The following RORA variants were observed in gnomAD, a reference collection of about 807,000 sequenced individuals.
RORA encodes the protein nuclear receptor ROR-alpha.
A neutral mutation model predicts 69.5 loss-of-function variants in RORA; 7 were observed. The ratio of observed to expected loss-of-function variants is 0.10; its 90% confidence interval spans 0.06 to 0.19. The LOEUF (loss-of-function observed/expected upper bound fraction) is 0.19, where lower values mean the gene tolerates loss of function less well. Among genes scored for constraint, RORA ranks in the 10% least tolerant of loss-of-function variants. The pLI is 1.00. For missense variants in RORA, 457 were observed against 663.0 expected (o/e 0.69, Z 3.41); for synonymous variants, 261 against 240.8 (o/e 1.08, Z -0.78).
chr15:61,167,545 A>G (rs2079549480), intron 1 of RORA, among the ~76,000 whole-genome samples: 1 of 138,380 alleles, frequency 7.2e-6, no homozygotes, highest in African/African-American at 2.8e-5. Flanking sequence ...CTCTACAACC[A>G]GGACTCTGGC....
At chr15:61,048,589 C>G (rs1897149595) in intron 1 of RORA, among the ~76,000 whole-genome samples, 1 of 152,228 alleles carries the variant, frequency 6.6e-6, no homozygotes, top group African/African-American at 2.4e-5. Context: ...GAGAAGCCAG[C>G]CTGTTTCCGA....
intron 1 of RORA, among the ~76,000 whole-genome samples, chr15:61,047,386 C>G (rs137949830): frequency 6.6e-6 from 1 of 152,340 alleles, no homozygotes; most frequent in African/African-American, 2.4e-5. Flanking sequence ...TCTATACTCA[C>G]ATTTTTCCTG....
intron 10 of RORA, among the ~76,000 whole-genome samples, chr15:60,498,346 G>C (rs895143423): frequency 6.6e-6 from 1 of 152,114 alleles, no homozygotes; most frequent in African/African-American, 2.4e-5. Context: ...GGGTAGTGAA[G>C]GCACTGCAAC....
intron 1 of RORA, among the ~76,000 whole-genome samples, chr15:61,015,260 G>C (rs895512490): frequency 3.3e-5 from 5 of 152,104 alleles, no homozygotes; most frequent in African/African-American, 1.2e-4. Context: ...TTTAATCCAA[G>C]GATTTGGGGA....
At chr15:61,141,652 A>C (rs957603348) in intron 1 of RORA, among the ~76,000 whole-genome samples, 9 of 152,208 alleles carry the variant, frequency 5.9e-5, no homozygotes, top group Non-Finnish European at 8.8e-5. Flanking sequence ...GCTTGATTTC[A>C]TAAGGACAAG....
At chr15:60,630,888 C>CTTTTTTCT (rs1555440700) in intron 2 of RORA, among the ~76,000 whole-genome samples, 5 of 109,894 alleles carry the variant, frequency 4.5e-5, no homozygotes, top group Admixed American at 4.1e-4. Flanking sequence ...ATGAGACTTT[C>CTTTTTTCT]TTTTTTTTTT....
At chr15:60,886,167 C>CA (rs1220906896) in intron 1 of RORA, among the ~76,000 whole-genome samples, 1 of 151,952 alleles carries the variant, frequency 6.6e-6, no homozygotes, top group Non-Finnish European at 1.5e-5. Context: ...ACATTTCCCC[C>CA]AAAAAATCAA....
At chr15:61,198,872 C>A (rs2079870538) in intron 1 of RORA, among the ~76,000 whole-genome samples, 1 of 152,128 alleles carries the variant, frequency 6.6e-6, no homozygotes, top group Non-Finnish European at 1.5e-5. Flanking sequence ...CTTAACTCCT[C>A]CTTCTTTCAC....
intron 1 of RORA, among the ~76,000 whole-genome samples, chr15:60,766,682 T>C (rs1371825272): frequency 2.6e-5 from 4 of 152,158 alleles, no homozygotes; most frequent in Non-Finnish European, 4.4e-5. Context: ...TTTTTTTTTT[T>C]TTCCCAAGGA....
intron 2 of RORA, among the ~76,000 whole-genome samples, chr15:60,649,806 C>T (rs1308546274): frequency 6.6e-6 from 1 of 152,170 alleles, no homozygotes; most frequent in Non-Finnish European, 1.5e-5. Flanking sequence ...CAATAGACCC[C>T]TCAAAAAGCA....
At chr15:60,553,414 A>C (rs2067275631) in intron 2 of RORA, among the ~76,000 whole-genome samples, 1 of 152,186 alleles carries the variant, frequency 6.6e-6, no homozygotes, top group Non-Finnish European at 1.5e-5. Flanking sequence ...AGAATTGGTA[A>C]GCCTCTTGTA....
At chr15:60,641,297 T>A (rs1429398498) in intron 2 of RORA, among the ~76,000 whole-genome samples, 1 of 152,100 alleles carries the variant, frequency 6.6e-6, no homozygotes, top group Non-Finnish European at 1.5e-5. Context: ...ACAATGCCTG[T>A]ACCTAGGAGG....
chr15:60,698,902 CT>C (rs2070943786), intron 1 of RORA, among the ~76,000 whole-genome samples: 1 of 151,926 alleles, frequency 6.6e-6, no homozygotes. Context: ...GTCTAAGTTT[CT>C]TGACTTTTGT....
At chr15:60,734,936 T>C (rs1035318220) in intron 1 of RORA, among the ~76,000 whole-genome samples, 3 of 152,340 alleles carry the variant, frequency 2.0e-5, no homozygotes, top group African/African-American at 4.8e-5. Context: ...CTATTTGCAC[T>C]CAGACTTGAC....
chr15:60,769,944 T>C (rs140332411), intron 1 of RORA, among the ~76,000 whole-genome samples: 3 of 152,356 alleles, frequency 2.0e-5, no homozygotes, highest in Non-Finnish European at 4.4e-5. Context: ...CCTGAAGAAC[T>C]CACAGCTGAA....
chr15:61,170,203 A>G (rs2079573506), intron 1 of RORA, among the ~76,000 whole-genome samples: 1 of 151,508 alleles, frequency 6.6e-6, no homozygotes, highest in East Asian at 1.9e-4. Flanking sequence ...AAATCTACTA[A>G]CTGTTCTGAA....
intron 1 of RORA, among the ~76,000 whole-genome samples, chr15:61,024,451 G>GTC: frequency 7.4e-6 from 1 of 134,788 alleles, no homozygotes; most frequent in East Asian, 2.2e-4. Context: ...GCCCGGTAAT[G>GTC]TTTTTTTTTT....
chr15:60,599,975 T>C (rs928370647), intron 2 of RORA, among the ~76,000 whole-genome samples: 5 of 152,230 alleles, frequency 3.3e-5, no homozygotes, highest in African/African-American at 1.2e-4. Context: ...ATGGATGTTA[T>C]TTCATCAGAG....
At chr15:60,960,944 T>G (rs1329445867) in intron 1 of RORA, among the ~76,000 whole-genome samples, 1 of 152,204 alleles carries the variant, frequency 6.6e-6, no homozygotes, top group Non-Finnish European at 1.5e-5. Flanking sequence ...TTAAGTAACT[T>G]ACCCAAGGTC....
Sources: allele counts gnomAD v4.1 joint callset (sites outside exome capture counted in the v4.1 genomes callset), GRCh38; gene constraint gnomAD v4.1.1; transcripts MANE v1.5; gene names NCBI Gene and HGNC (gene_info 2026-07-23, HGNC 2026-07-21).